Variants in DMXL1 observed in about 807,000 individuals in gnomAD.
The protein encoded by DMXL1 is Dmx like 1.
Under a neutral mutation model 319.2 loss-of-function variants are expected in DMXL1, and 99 were observed. The observed-to-expected ratio is 0.31, with a 90% CI of 0.26 to 0.37. DMXL1 has a LOEUF of 0.37. DMXL1 is among the 10% of genes least tolerant of loss of function. The pLI, the probability that DMXL1 is intolerant of heterozygous loss-of-function variation, is 1.00. For missense variants in DMXL1, 3,745 were observed against 3,595.6 expected (o/e 1.04, Z -1.06); for synonymous variants, 1,385 against 1,235.2 (o/e 1.12, Z -2.54).
intron 18 of DMXL1, among the ~76,000 whole-genome samples, chr5:119,150,768 A>G (rs1769600129): frequency 1.3e-5 from 2 of 151,986 alleles, no homozygotes; most frequent in African/African-American, 4.8e-5. Context: ...CAGCCTGGAC[A>G]ATAGAGCAAG....
chr5:119,117,772 G>T (rs987881909), intron 7 of DMXL1, among the ~76,000 whole-genome samples: 96 of 150,928 alleles, frequency 6.4e-4, no homozygotes, highest in African/African-American at 2.3e-3. Flanking sequence ...AGGAGAAGGA[G>T]AGAGCAACCA....
intron 41 of DMXL1, 109 bp downstream of exon 41, chr5:119,239,189 AT>A: frequency 8.7e-7 from 1 of 1,144,024 alleles, no homozygotes; most frequent in Non-Finnish European, 1.2e-6. Flanking sequence ...TAGATACAGT[AT>A]TTTTATTCTA....
chr5:119,078,206 C>T (rs1429201185), intron 1 of DMXL1, among the ~76,000 whole-genome samples: 2 of 152,146 alleles, frequency 1.3e-5, no homozygotes, highest in South Asian at 2.1e-4. Context: ...TCTGGAACTT[C>T]TGGCCTCAAG....
intron 32 of DMXL1, among the ~76,000 whole-genome samples, chr5:119,202,959 A>G (rs1165628905): frequency 1.4e-5 from 2 of 148,124 alleles, no homozygotes; most frequent in Admixed American, 1.3e-4. Flanking sequence ...TGCATATAAG[A>G]TGTATATGAA....
At chr5:119,211,718 G>A (rs531009650) in intron 34 of DMXL1, among the ~76,000 whole-genome samples, 1 of 152,190 alleles carries the variant, frequency 6.6e-6, no homozygotes, top group East Asian at 1.9e-4. Flanking sequence ...TCATATTTGT[G>A]TCATTAGAGT....
At chr5:119,133,020 C>T (rs986523462) in intron 10 of DMXL1, 112 bp from the exon 11 acceptor site, 2 of 1,186,678 alleles carry the variant, frequency 1.7e-6, no homozygotes, top group African/African-American at 1.5e-5. Flanking sequence ...CTTCCATGCT[C>T]TCCTTAGGCA....
At position 119,216,577 on chromosome 5, in the gene DMXL1, T is replaced by C. The variant is rs1469910459; in HGVS notation, c.7927-324T>C. On this transcript the variant is annotated intron_variant, in intron 34 of 43. Coordinates refer to ENST00000539542, the MANE Select transcript of DMXL1 (RefSeq NM_001290321.3). The stretch of plus-strand genomic sequence containing the variant: ...TGAAAGAATTATAATGCTAGGAAAC[T>C]TGGTAAATACATTTTGCTTTAATAA... Among the ~76,000 whole-genome samples the C allele has an allele frequency of 4.6e-5, 7 of 152,198 alleles. No homozygotes were observed. The East Asian group carries it at 1.3e-3, about 29-fold the overall frequency.
chr5:119,123,164 G>A (rs1009721720), intron 9 of DMXL1, among the ~76,000 whole-genome samples: 7 of 152,006 alleles, frequency 4.6e-5, no homozygotes, highest in African/African-American at 1.5e-4. Context: ...CCAGTCAGGC[G>A]TAGCGGCGCG....
In DMXL1 at chr5:119,098,003, G is replaced by T; in HGVS notation, c.112G>T (p.Val38Leu). The T allele has an allele frequency of 6.2e-7, 1 of 1,604,738 alleles. No homozygotes were observed. Among genetic ancestry groups the T allele is most frequent in the Non-Finnish European group, 8.5e-7 (1 of 1,177,360 alleles). The change falls in exon 2 of 44, where the codon GTA becomes TTA. Residue 38 changes from valine to leucine, a missense_variant. Val to Leu is a conservative substitution (Grantham distance 32). Around this residue, in one of 4 missense-constraint regions of DMXL1, gnomAD observed 2,096 missense variants for 1,985.4 expected, o/e 1.06. Transcript: ENST00000539542. ...GGCTTATGCATCTGGATGTGACATT[G>T]TAATACTGGGAAGCGATTTTGAAAG... The part of the protein sequence containing the change: ...FTAYASGCDI[V>L]ILGSDFERLQ...
chr5:119,204,068 C>T (rs183360517), intron 33 of DMXL1, among the ~76,000 whole-genome samples: 17 of 152,090 alleles, frequency 1.1e-4, no homozygotes, highest in East Asian at 1.9e-4. Context: ...GTGATCCACC[C>T]GCCTCAGCCT....
intron 9 of DMXL1, among the ~76,000 whole-genome samples, chr5:119,124,666 A>G (rs1282888066): frequency 4.0e-5 from 6 of 150,244 alleles, no homozygotes; most frequent in Non-Finnish European, 8.8e-5. Flanking sequence ...CTCGGGTTCA[A>G]GTGATTCTTC....
chr5:119,110,874 C>T (rs1759428753), intron 5 of DMXL1, among the ~76,000 whole-genome samples: 1 of 152,180 alleles, frequency 6.6e-6, no homozygotes, highest in African/African-American at 2.4e-5. Context: ...CTGCAACCTC[C>T]ACCTCCCTGG....
chr5:119,098,457 T>C (rs2149783820), intron 2 of DMXL1, among the ~76,000 whole-genome samples: 1 of 152,256 alleles, frequency 6.6e-6, no homozygotes, highest in South Asian at 2.1e-4. Context: ...ATATTTTTTT[T>C]TTTTTGTCTG....
intron 8 of DMXL1, among the ~76,000 whole-genome samples, chr5:119,119,697 A>C (rs2149933150): frequency 6.6e-6 from 1 of 152,050 alleles, no homozygotes; most frequent in East Asian, 1.9e-4. Context: ...TTTAGTAGGG[A>C]GAGGGCTTTA....
chr5:119,135,162 A>G (rs1358028326), intron 13 of DMXL1, among the ~76,000 whole-genome samples: 2 of 151,752 alleles, frequency 1.3e-5, no homozygotes, highest in East Asian at 1.9e-4. Flanking sequence ...ATTACAGTAG[A>G]AATGTATATA....
chr5:119,154,357 C>G (rs1770532430), intron 19 of DMXL1, among the ~76,000 whole-genome samples: 1 of 152,148 alleles, frequency 6.6e-6, no homozygotes, highest in Admixed American at 6.5e-5. Context: ...GGACAAGGTC[C>G]AAAGGAAACT....
chr5:119,200,563 C>T (rs976432220), intron 32 of DMXL1, among the ~76,000 whole-genome samples: 16 of 152,132 alleles, frequency 1.1e-4, no homozygotes, highest in African/African-American at 2.7e-4. Context: ...GCTCTTTTTA[C>T]GTTCCATATT....
At chr5:119,220,418 A>G in intron 35 of DMXL1, 54 bp from the exon 36 acceptor site, 2 of 1,568,344 alleles carry the variant, frequency 1.3e-6, no homozygotes, top group Non-Finnish European at 1.7e-6. Flanking sequence ...AGCAGCTCAT[A>G]TACTATCTCT....
At chr5:119,117,907 A>G (rs1333003209) in intron 7 of DMXL1, among the ~76,000 whole-genome samples, 2 of 152,242 alleles carry the variant, frequency 1.3e-5, no homozygotes, top group African/African-American at 4.8e-5. Context: ...TGAGTTACTG[A>G]TAAAACCTGC....
Sources: gnomAD v4.1 joint callset for allele counts (sites outside exome capture counted in the v4.1 genomes callset) on GRCh38, gnomAD v4.1.1 for gene constraint, gnomAD v4.1.1 regional missense constraint, MANE v1.5 for transcripts, NCBI Gene and HGNC (gene_info 2026-07-23, HGNC 2026-07-21) for gene names.